Variants in KHDRBS2 observed in about 807,000 individuals in gnomAD.
The protein encoded by KHDRBS2 is KH RNA binding domain containing, signal transduction associated 2, also known as KH domain-containing, RNA-binding, signal transduction-associated protein 2.
In KHDRBS2, 26 loss-of-function variants were observed where a neutral mutation model predicts 44.3. The ratio of observed to expected loss-of-function variants is 0.59; its 90% CI spans 0.43 to 0.81. The LOEUF (loss-of-function observed/expected upper bound fraction) is 0.81, where lower values mean the gene tolerates loss of function less well. Among genes scored for constraint, KHDRBS2 ranks in the 40% least tolerant of loss-of-function variants. KHDRBS2 has a pLI of 0.00. For missense variants in KHDRBS2, 476 were observed against 433.1 expected (o/e 1.10, Z -0.88); for synonymous variants, 194 against 151.1 (o/e 1.28, Z -2.08).
intron 1 of KHDRBS2, among the ~76,000 whole-genome samples, chr6:62,247,172 C>T (rs79818330): frequency 0.012 from 1,830 of 152,006 alleles, 39 homozygotes; most frequent in African/African-American, 0.042. Context: ...CTACTAGGGC[C>T]ACAACTCTAG....
At chr6:61,721,971 G>A (rs1315269430) in intron 7 of KHDRBS2, among the ~76,000 whole-genome samples, 1 of 149,272 alleles carries the variant, frequency 6.7e-6, no homozygotes, top group Non-Finnish European at 1.5e-5. Flanking sequence ...CTAATTTATT[G>A]AGAGTTTTTA....
At chr6:62,146,971 T>G (rs1222480955) in intron 2 of KHDRBS2, among the ~76,000 whole-genome samples, 1 of 151,972 alleles carries the variant, frequency 6.6e-6, no homozygotes, top group Non-Finnish European at 1.5e-5. Context: ...TATATTTTTA[T>G]GCCCAAACCC....
intron 6 of KHDRBS2, among the ~76,000 whole-genome samples, chr6:61,818,977 G>A (rs141786960): frequency 1.6e-4 from 25 of 151,940 alleles, no homozygotes; most frequent in African/African-American, 4.3e-4. Flanking sequence ...CAAAAGGTTC[G>A]GGAAAATCTA....
At chr6:61,705,610 A>G (rs1020428231) in intron 7 of KHDRBS2, among the ~76,000 whole-genome samples, 8 of 151,854 alleles carry the variant, frequency 5.3e-5, no homozygotes, top group Non-Finnish European at 1.2e-4. Context: ...TATTTGCATA[A>G]TACCAGACTT....
intron 4 of KHDRBS2, among the ~76,000 whole-genome samples, chr6:61,910,347 AGCATCTGC>A (rs1805832037): frequency 1.3e-5 from 2 of 152,234 alleles, no homozygotes; most frequent in Admixed American, 1.3e-4. Flanking sequence ...AGATTTATTA[AGCATCTGC>A]TTGGTGCATG....
intron 8 of KHDRBS2, among the ~76,000 whole-genome samples, chr6:61,693,010 A>T (rs1767534434): frequency 6.6e-6 from 1 of 152,170 alleles, no homozygotes; most frequent in Non-Finnish European, 1.5e-5. Flanking sequence ...TGTAACACAG[A>T]GGAGTTACTG....
chr6:62,051,098 G>A (rs957331671), intron 2 of KHDRBS2, among the ~76,000 whole-genome samples: 1 of 152,052 alleles, frequency 6.6e-6, no homozygotes, highest in African/African-American at 2.4e-5. Flanking sequence ...GTTGTCTGTT[G>A]AGAACAGAGC....
At chr6:61,723,041 G>GT (rs973394902) in intron 7 of KHDRBS2, among the ~76,000 whole-genome samples, 2 of 152,096 alleles carry the variant, frequency 1.3e-5, no homozygotes, top group Non-Finnish European at 2.9e-5. Context: ...CATCTTTGAT[G>GT]TTTTGCAGCT....
intron 2 of KHDRBS2, among the ~76,000 whole-genome samples, chr6:62,085,845 G>T (rs1798278449): frequency 6.6e-6 from 1 of 152,116 alleles, no homozygotes; most frequent in Non-Finnish European, 1.5e-5. Context: ...GACAGTGATG[G>T]GAGGGAAAAA....
chr6:61,571,427 C>T, the KHDRBS2 span, among the ~76,000 whole-genome samples: 5 of 152,026 alleles, frequency 3.3e-5, no homozygotes, highest in African/African-American at 4.8e-5. Flanking sequence ...AAAACAATTA[C>T]TACTAGACCT....
At chr6:61,892,288 G>T (rs1801991869) in intron 6 of KHDRBS2, among the ~76,000 whole-genome samples, 1 of 152,140 alleles carries the variant, frequency 6.6e-6, no homozygotes, top group Admixed American at 6.5e-5. Flanking sequence ...CATGCTCATG[G>T]GTAGGAAGAC....
chr6:61,862,046 T>C (rs1797065451), intron 6 of KHDRBS2, among the ~76,000 whole-genome samples: 1 of 152,156 alleles, frequency 6.6e-6, no homozygotes, highest in East Asian at 1.9e-4. Flanking sequence ...ATGCTTGTGA[T>C]TCATGCACAT....
chr6:61,694,509 G>A (rs1033872820), intron 8 of KHDRBS2, among the ~76,000 whole-genome samples: 4 of 152,126 alleles, frequency 2.6e-5, no homozygotes, highest in African/African-American at 9.7e-5. Flanking sequence ...TGATCATCCT[G>A]TGTAACCAAT....
intron 6 of KHDRBS2, among the ~76,000 whole-genome samples, chr6:61,754,510 G>C (rs1192929964): frequency 6.6e-6 from 1 of 150,948 alleles, no homozygotes; most frequent in Non-Finnish European, 1.5e-5. Flanking sequence ...ACAGAGACAG[G>C]ATTTCATGAG....
rs1262440398 is a variant in KHDRBS2 at position 62,220,584 on chromosome 6, T to C, written c.92-43272A>G. On this transcript the variant is annotated intron_variant, in intron 1 of 8. Coordinates refer to ENST00000281156, the MANE Select transcript of KHDRBS2 (RefSeq NM_152688.4). ...GAAATAGAGTGTTCTAAGGTACTTA[T>C]ATTGATCAGGAGGAAGGTAGAATTA... Among the ~76,000 whole-genome samples the C allele has an allele frequency of 4.6e-5, 7 of 151,852 alleles. No homozygotes were observed. The South Asian group carries it at 6.2e-4, about 13-fold the overall frequency.
chr6:62,074,490 G>A (rs1249299666), intron 2 of KHDRBS2, among the ~76,000 whole-genome samples: 2 of 151,802 alleles, frequency 1.3e-5, no homozygotes, highest in African/African-American at 2.4e-5. Flanking sequence ...CACCTCTCAT[G>A]TCTGGCTTTT....
chr6:62,259,531 A>C (rs2150180685), intron 1 of KHDRBS2, among the ~76,000 whole-genome samples: 1 of 152,054 alleles, frequency 6.6e-6, no homozygotes, highest in Non-Finnish European at 1.5e-5. Flanking sequence ...CTTGTACATA[A>C]ATAATAGTAG....
rs117551104 is a variant in KHDRBS2, at chr6:61,916,485, C to A, written c.484-15114G>T. Among the ~76,000 whole-genome samples the A allele has an allele frequency of 1.5e-4, 23 of 151,918 alleles. 1 individual carries two copies. In the East Asian group the frequency reaches 4.1e-3, roughly 27 times the overall value. On this transcript the variant is annotated intron_variant, in intron 4 of 8. Coordinates refer to ENST00000281156, the MANE Select transcript of KHDRBS2 (RefSeq NM_152688.4). The stretch of plus-strand genomic sequence containing the variant: ...GTTCTGCCTCAGTATTACAAAGGAA[C>A]TTTTATATTTATCATTGCTATCAAT...
chr6:61,573,512 G>C, the KHDRBS2 span, among the ~76,000 whole-genome samples: 1,922 of 152,190 alleles, frequency 0.013, 44 homozygotes, highest in African/African-American at 0.045. Context: ...GAGCCAAGCT[G>C]GGCATGGTGG....
Sources: gnomAD v4.1 joint callset for allele counts (sites outside exome capture counted in the v4.1 genomes callset) on GRCh38, gnomAD v4.1.1 for gene constraint, MANE v1.5 for transcripts, NCBI Gene and HGNC (gene_info 2026-07-23, HGNC 2026-07-21) for gene names.